Variants in UNC13C observed in about 807,000 individuals in gnomAD.
The protein encoded by UNC13C is unc-13 homolog C.
UNC13C carries 174 observed loss-of-function variants against 245.4 expected under a neutral mutation model. The observed-to-expected ratio is 0.71, with a 90% CI of 0.63 to 0.80. The LOEUF (loss-of-function observed/expected upper bound fraction) is 0.80. Ranked by LOEUF, UNC13C falls within the 30% of genes least tolerant of loss-of-function variation. The pLI is 0.00. For missense variants in UNC13C, 2,829 were observed against 2,602.9 expected (o/e 1.09, Z -1.89); for synonymous variants, 992 against 895.1 (o/e 1.11, Z -1.93).
intron 14 of UNC13C, among the ~76,000 whole-genome samples, chr15:54,329,777 T>C (rs2038391808): frequency 6.6e-6 from 1 of 152,122 alleles, no homozygotes; most frequent in Non-Finnish European, 1.5e-5. Context: ...CTTCACAGTT[T>C]TCTATTTTCC....
At chr15:53,842,136 T>G in the UNC13C span, among the ~76,000 whole-genome samples, 14 of 152,292 alleles carry the variant, frequency 9.2e-5, no homozygotes, top group African/African-American at 3.4e-4. Flanking sequence ...AATCTCTTAC[T>G]AGCACTGAGC....
chr15:54,537,184 C>T (rs890688629), intron 26 of UNC13C, among the ~76,000 whole-genome samples: 9 of 152,008 alleles, frequency 5.9e-5, no homozygotes, highest in African/African-American at 2.2e-4. Context: ...GCACCAACAG[C>T]ATCCAAACTG....
At chr15:54,377,790 C>A (rs969158231) in intron 17 of UNC13C, among the ~76,000 whole-genome samples, 4 of 152,112 alleles carry the variant, frequency 2.6e-5, no homozygotes, top group African/African-American at 9.7e-5. Context: ...GGGTTCCACC[C>A]CCATGATGAC....
intron 19 of UNC13C, among the ~76,000 whole-genome samples, chr15:54,452,394 C>T (rs185944740): frequency 1.3e-4 from 20 of 152,244 alleles, no homozygotes; most frequent in African/African-American, 4.3e-4. Flanking sequence ...TGGTGTTGAA[C>T]ATGGCTGAGA....
At chr15:54,603,627 C>G (rs1417879704) in intron 30 of UNC13C, among the ~76,000 whole-genome samples, 1 of 152,046 alleles carries the variant, frequency 6.6e-6, no homozygotes, top group Non-Finnish European at 1.5e-5. Flanking sequence ...TTTAGGAGGC[C>G]AAGGCAGGCA....
the UNC13C span, among the ~76,000 whole-genome samples, chr15:53,943,761 C>G: frequency 6.6e-6 from 1 of 152,038 alleles, no homozygotes; most frequent in East Asian, 1.9e-4. Flanking sequence ...CCTTTCAGTT[C>G]TATCAGTCTC....
chr15:54,411,457 G>A (rs951257861), intron 18 of UNC13C, among the ~76,000 whole-genome samples: 3 of 152,136 alleles, frequency 2.0e-5, no homozygotes, highest in Non-Finnish European at 2.9e-5. Context: ...TCTTTCAGAA[G>A]TTTTATAGTT....
intron 8 of UNC13C, among the ~76,000 whole-genome samples, chr15:54,259,241 G>A (rs1331227602): frequency 6.6e-6 from 1 of 152,242 alleles, no homozygotes; most frequent in Non-Finnish European, 1.5e-5. Context: ...ACGCCAGTTA[G>A]TTAAGTGGCA....
chr15:54,205,857 T>C (rs2140733861), intron 4 of UNC13C, among the ~76,000 whole-genome samples: 1 of 152,140 alleles, frequency 6.6e-6, no homozygotes, highest in Admixed American at 6.6e-5. Flanking sequence ...TGGTTACCTG[T>C]GAGTTAATAA....
chr15:53,842,900 T>TTATATA, the UNC13C span, among the ~76,000 whole-genome samples: 410 of 145,932 alleles, frequency 2.8e-3, 3 homozygotes, highest in African/African-American at 9.3e-3. Flanking sequence ...ATTTTAAGTT[T>TTATATA]TATATATATA....
At chr15:54,397,964 T>C (rs1349992014) in intron 18 of UNC13C, among the ~76,000 whole-genome samples, 1 of 151,404 alleles carries the variant, frequency 6.6e-6, no homozygotes, top group East Asian at 1.9e-4. Flanking sequence ...GCCTTATTGC[T>C]CTGGTTAAAA....
chr15:54,010,422 G>A (rs2140987241), intron 1 of UNC13C, among the ~76,000 whole-genome samples: 1 of 152,122 alleles, frequency 6.6e-6, no homozygotes, highest in African/African-American at 2.4e-5. Flanking sequence ...GTTGATCCTT[G>A]GCTGGGTCTC....
chr15:54,519,380 T>C (rs918756821), intron 24 of UNC13C, among the ~76,000 whole-genome samples: 7 of 152,098 alleles, frequency 4.6e-5, no homozygotes, highest in African/African-American at 1.2e-4. Context: ...GAGTGAATTA[T>C]AAAAGGTAAG....
chr15:54,287,331 C>A, intron 10 of UNC13C, among the ~76,000 whole-genome samples: 1 of 152,104 alleles, frequency 6.6e-6, no homozygotes, highest in East Asian at 1.9e-4. Flanking sequence ...CTAAGGAATA[C>A]CATAGAACAC....
At chr15:54,141,126 C>A (rs2031997638) in intron 2 of UNC13C, among the ~76,000 whole-genome samples, 1 of 152,052 alleles carries the variant, frequency 6.6e-6, no homozygotes, top group South Asian at 2.1e-4. Context: ...GAAATCAGAT[C>A]TTATTTCATT....
the UNC13C span, among the ~76,000 whole-genome samples, chr15:53,844,063 G>A: frequency 0.012 from 1,802 of 152,220 alleles, 31 homozygotes; most frequent in African/African-American, 0.042. Context: ...AACTGATAAT[G>A]GAAGGTCCCA....
At position 54,014,018 on chromosome 15, in the gene UNC13C, C is replaced by G; in HGVS notation, c.1115C>G (p.Ala372Gly). ...GGACACCAGAGAGACTGCCCAAATG[C>G]AAAGCCTCGACCCATACTTGTGTAC... ...RIGHQRDCPN[A>G]KPRPILVYFE... The change falls in exon 2 of 33, where the codon GCA becomes GGA. Residue 372 changes from alanine (A) to glycine (G), a missense_variant. Coordinates refer to ENST00000260323, the MANE Select transcript of UNC13C (RefSeq NM_001080534.3). 6.2e-7 allele frequency: 1 copy of G among 1,613,814 alleles called. No individual in the cohort carries two copies. Among genetic ancestry groups the G allele is most frequent in the Non-Finnish European group, 8.5e-7 (1 of 1,179,844 alleles).
rs549485183 is a variant in UNC13C, at chr15:54,511,998, C to T, written c.5457+168C>T. Among the ~76,000 whole-genome samples, 4 of 152,100 alleles carry T rather than the reference C, an allele frequency of 2.6e-5. No homozygotes were observed. The South Asian group carries it at 8.3e-4, about 31-fold the overall frequency. ...CAACTAAAATGATTATTATCCACAA[C>T]AGAATACTTTAGTAAATACATTAGA... On this transcript the variant is annotated intron_variant, in intron 24 of 32. Transcript: ENST00000260323.
chr15:54,626,581 C>T (rs1171983562), intron 32 of UNC13C, among the ~76,000 whole-genome samples: 2 of 152,104 alleles, frequency 1.3e-5, no homozygotes, highest in Admixed American at 1.3e-4. Flanking sequence ...GGAGATTCTG[C>T]CTCGACTGAT....
Sources: gnomAD v4.1 joint callset for allele counts (sites outside exome capture counted in the v4.1 genomes callset) on GRCh38, gnomAD v4.1.1 for gene constraint, MANE v1.5 for transcripts, NCBI Gene and HGNC (gene_info 2026-07-23, HGNC 2026-07-21) for gene names.